Variants in TNXB observed in about 807,000 individuals in gnomAD.
TNXB encodes tenascin-X.
TNXB carries 183 observed loss-of-function variants against 340.5 expected under a neutral mutation model. That is an observed-to-expected ratio of 0.54 (90% confidence interval 0.48 to 0.61). TNXB has a LOEUF of 0.61. Ranked by LOEUF, TNXB falls within the 20% of genes least tolerant of loss-of-function variation. TNXB has a pLI of 0.00. For synonymous variants in TNXB, 2,121 were observed against 2,314.5 expected (o/e 0.92, Z 2.40); for missense variants, 4,613 against 5,446.4 (o/e 0.85, Z 4.82).
At position 32,055,967 on chromosome 6, in the gene TNXB, C is replaced by T; in HGVS notation, c.8351G>A (p.Gly2784Asp). ...DGRPQVMRVR[G>D]EESEVTVGGL... is the part of the protein sequence containing the mutation. ...CCCCACGGTGACCTCGCTCTCCTCGCCCCTGACACGCATCACCTGGGGCCG... is the reference window on the plus strand; with the variant it reads ...CCCCACGGTGACCTCGCTCTCCTCGTCCCTGACACGCATCACCTGGGGCCG... The change falls in exon 24 of 44, where the codon GGC becomes GAC. Residue 2784 changes from glycine to aspartate, a missense_variant. This residue lies in a region of TNXB where 4,327 missense variants were observed against 4,859.4 expected (regional missense o/e 0.89). Transcript: ENST00000644971. 1.2e-6 allele frequency: 2 copies of T among 1,613,496 alleles called. No individual in the cohort carries two copies. The highest frequency in any genetic ancestry group is 2.2e-5 in the East Asian group (1 of 44,876).
rs557136907 is a variant in TNXB, at chr6:32,108,290, A to G, written c.-9+891T>C. 6.6e-6 allele frequency among the ~76,000 whole-genome samples: 1 copy of G among 152,234 alleles called. No individual in the cohort carries two copies. The highest frequency in any genetic ancestry group is 1.5e-5 in the Non-Finnish European group (1 of 68,006). ...CTTCCAGTTGTTTCTATGCCATTAA[A>G]TTCTTTCCAGGCGAGATAAGGGGCC... On this transcript the variant is annotated intron_variant, in intron 1 of 43. Transcript: ENST00000644971. The surrounding 1 kb of genome is among the most constrained non-coding windows in gnomAD (Gnocchi z 4.8).
Position 32,082,057 on chromosome 6 carries a change from G to A in TNXB, c.3715C>T (p.Leu1239Phe), listed in dbSNP as rs1019829216. 1.9e-6 allele frequency: 3 copies of A among 1,606,468 alleles called. No individual in the cohort carries two copies. The highest frequency in any genetic ancestry group is 2.7e-5 in the African/African-American group (2 of 74,852). ...TCACCAGTGGTGCCATCGGCCGTGAGGGGGCCATACCGCTTCTTGTTCGCA... is the reference window on the plus strand; with the variant it reads ...TCACCAGTGGTGCCATCGGCCGTGAAGGGGCCATACCGCTTCTTGTTCGCA... ...GIANKKRYGP[L>F]TADGTTAPER... The change falls in exon 9 of 44, where the codon CTC becomes TTC. Residue 1239 changes from leucine (L) to phenylalanine (F), a missense_variant. Coordinates refer to ENST00000644971, the MANE Select transcript of TNXB (RefSeq NM_001365276.2). This position sits in a 1 kb window ranked among gnomAD's most constrained non-coding sequence, Gnocchi z 5.0.
intron 25 of TNXB, 54 bp downstream of exon 25, chr6:32,053,334 A>G: frequency 6.3e-7 from 1 of 1,578,438 alleles, no homozygotes; most frequent in Middle Eastern, 2.1e-4. Context: ...CCATCACCAG[A>G]GAAAGGGAGA....
rs761117807 is a variant in TNXB at position 32,043,858 on chromosome 6, G to A, written c.11421C>T (p.Ala3807=). 392 of 1,613,628 alleles carry A rather than the reference G, an allele frequency of 2.4e-4. 1 individual carries two copies. Among genetic ancestry groups the A allele is most frequent in the Non-Finnish European group, 3.2e-4 (383 of 1,180,008 alleles). Residue 3807 remains alanine (A), a synonymous_variant, in exon 35 of 44, where the codon GCC becomes GCT. Coordinates refer to ENST00000644971, the MANE Select transcript of TNXB (RefSeq NM_001365276.2). ...EPQSVQVDGQ[A]RTQKLQGLIP... is the part of the protein sequence containing the mutation. ...TCAGCCCCTGGAGTTTCTGGGTCCG[G>A]GCCTGGCCATCCACCTGCACACTCT... is the stretch of plus-strand genomic sequence containing the variant.
At position 32,095,950 on chromosome 6, in the gene TNXB, G is replaced by A. The variant is rs1780314817; in HGVS notation, c.1903C>T (p.Arg635Cys). 6.2e-7 allele frequency: 1 copy of A among 1,613,030 alleles called. No homozygotes were observed. Among genetic ancestry groups the A allele is most frequent in the South Asian group, 1.1e-5 (1 of 91,064 alleles). Residue 635 changes from arginine (R) to cysteine (C), a missense_variant, in exon 3 of 44, where the codon CGC becomes TGC. Coordinates refer to ENST00000644971, the MANE Select transcript of TNXB (RefSeq NM_001365276.2). ...CHGRGRCEEG[R>C]CLCDPGYTGP... is the part of the protein sequence containing the mutation. Reference sequence around the variant, plus strand: ...GTGTAGCCTGGGTCGCACAGGCAGCGCCCTTCCTCACAGCGGCCCCTCCCG... The same window carrying A: ...GTGTAGCCTGGGTCGCACAGGCAGCACCCTTCCTCACAGCGGCCCCTCCCG...
chr6:32,085,925 G>C lies in TNXB; in HGVS notation c.2973C>G (p.Phe991Leu). 1 of 1,608,666 alleles carries C rather than the reference G, an allele frequency of 6.2e-7. No individual in the cohort carries two copies. Residue 991 changes from phenylalanine to leucine, a missense_variant, in exon 7 of 44, where the codon TTC (phenylalanine) becomes TTG (leucine). By Grantham distance (22) the Phe-to-Leu change is conservative. This residue lies in a region of TNXB where 4,327 missense variants were observed against 4,859.4 expected (regional missense o/e 0.89). Coordinates refer to ENST00000644971, the MANE Select transcript of TNXB (RefSeq NM_001365276.2). This position sits in a 1 kb window ranked among gnomAD's most constrained non-coding sequence, Gnocchi z 6.4. ...CCTCGGGCACCCGCATGCGCAGTTG[G>C]AAGTAGGCAAAGGTGTCAGGCTGGG... ...WTAQPDTFAY[F>L]QLRMRVPEGP...
Position 32,046,409 on chromosome 6 carries a change from C to T in TNXB, c.10372G>A (p.Ala3458Thr), listed in dbSNP as rs775869966. Residue 3458 changes from alanine to threonine, a missense_variant, in exon 31 of 44, where the codon GCT becomes ACT. Ala to Thr is a moderately conservative substitution (Grantham distance 58). Coordinates refer to ENST00000644971, the MANE Select transcript of TNXB (RefSeq NM_001365276.2). This position sits in a 1 kb window ranked among gnomAD's most constrained non-coding sequence, Gnocchi z 6.9. ...LPPHLGELTV[A>T]EETSSSLRLS... ...CGCAGAGAGCTGGAGGTCTCCTCAG[C>T]CACGGTCAGTTCCCCCAGGTGGGGA... is the stretch of plus-strand genomic sequence containing the variant. 1 of 1,580,652 alleles carries T rather than the reference C, an allele frequency of 6.3e-7. No homozygotes were observed.
In TNXB at chr6:32,058,065, G is replaced by A. The variant is rs781577707; in HGVS notation, c.7818C>T (p.Gly2606=). The change falls in exon 22 of 44, where the codon GGC becomes GGT. Residue 2606 remains glycine (G), a synonymous_variant. Transcript: ENST00000644971. This position sits in a 1 kb window ranked among gnomAD's most constrained non-coding sequence, Gnocchi z 5.1. ...GRRLGPVSAV[G]VTEDEAETTQ... ...CCACCCACACTCACTCACCTGTGAC[G>A]CCCACGGCAGACACCGGGCCCAGGC... 4 of 1,608,178 alleles carry A rather than the reference G, an allele frequency of 2.5e-6. No individual in the cohort carries two copies. Among genetic ancestry groups the A allele is most frequent in the African/African-American group, 2.7e-5 (2 of 74,768 alleles).
rs56101776 is a variant in TNXB at position 32,074,379 on chromosome 6, T to C, written c.4376-427A>G. On this transcript the variant is annotated intron_variant, in intron 11 of 43. Transcript: ENST00000644971. This position sits in a 1 kb window ranked among gnomAD's most constrained non-coding sequence, Gnocchi z 5.5. ...TGGTTTTGATGTAAAAGCGCATTGA[T>C]CTGAACATCTGTCTGGTCAACAGTC... is the stretch of plus-strand genomic sequence containing the variant. Among the ~76,000 whole-genome samples, 1 of 152,206 alleles carries C rather than the reference T, an allele frequency of 6.6e-6. No individual in the cohort carries two copies. The highest frequency in any genetic ancestry group is 1.5e-5 in the Non-Finnish European group (1 of 68,040).
Position 32,058,036 on chromosome 6 carries a change from T to C in TNXB, c.7825+22A>G, listed in dbSNP as rs2151903457. 1 of 1,583,614 alleles carries C rather than the reference T, an allele frequency of 6.3e-7. No individual in the cohort carries two copies. Among genetic ancestry groups the C allele is most frequent in the Non-Finnish European group, 8.6e-7 (1 of 1,163,918 alleles). On this transcript the variant is annotated intron_variant, in intron 22 of 43. Transcript: ENST00000644971. This position sits in a 1 kb window ranked among gnomAD's most constrained non-coding sequence, Gnocchi z 5.1. ...ATTTTCTAGGGCTGTCTTCCAACCCTGCCCCACCCACACTCACTCACCTGT... is the reference window on the plus strand; with the variant it reads ...ATTTTCTAGGGCTGTCTTCCAACCCCGCCCCACCCACACTCACTCACCTGT...
At chr6:32,054,035 T>C (rs970319914) in intron 24 of TNXB, among the ~76,000 whole-genome samples, 7 of 152,070 alleles carry the variant, frequency 4.6e-5, no homozygotes, top group Admixed American at 2.0e-4. Flanking sequence ...CATCTTTTGT[T>C]CACTGGGCTT....
chr6:32,042,236 G>A (rs9378253), intron 41 of TNXB, 30 bp downstream of exon 41: 7 of 963,458 alleles, frequency 7.3e-6, no homozygotes, highest in African/African-American at 4.1e-5. Flanking sequence ...ATCCCCATCC[G>A]TAGTTCCCCA....
intron 1 of TNXB, among the ~76,000 whole-genome samples, chr6:32,099,144 T>G (rs1210891637): frequency 2.6e-5 from 4 of 152,118 alleles, no homozygotes; most frequent in Non-Finnish European, 5.9e-5. Flanking sequence ...AGTGGATGAG[T>G]ACCTAGGGCC....
intron 4 of TNXB, among the ~76,000 whole-genome samples, chr6:32,091,954 T>C (rs1021488396): frequency 6.6e-6 from 1 of 152,196 alleles, no homozygotes; most frequent in Non-Finnish European, 1.5e-5. Context: ...AGTGAACACT[T>C]AGCCTAGCCC....
intron 6 of TNXB, among the ~76,000 whole-genome samples, chr6:32,088,472 C>T (rs371296170): frequency 1.2e-4 from 18 of 152,148 alleles, no homozygotes; most frequent in African/African-American, 3.4e-4. Context: ...AGGCCTGTCC[C>T]GGTACCTAAA....
At position 32,099,235 on chromosome 6, in the gene TNXB, CTTT is replaced by C. The variant is rs11344952; in HGVS notation, c.-8-1032_-8-1030del. Among the ~76,000 whole-genome samples the C allele has an allele frequency of 5.8e-3, 825 of 141,350 alleles. 13 individuals carry two copies. The highest frequency in any genetic ancestry group is 0.057 in the East Asian group (280 of 4,900). The allele number at this position is 141,350 out of a possible 152,430, so 92.7% of individuals were successfully genotyped here. ...GATTATCTTCTCCCTCTCTCTCTCA[CTTT>C]TTTTTTTTTTTTTGAGATGGAATCT... On this transcript the variant is annotated intron_variant, in intron 1 of 43. Transcript: ENST00000644971.
At position 32,062,147 on chromosome 6, in the gene TNXB, G is replaced by C; in HGVS notation, c.7168+10C>G. 6.2e-7 allele frequency: 1 copy of C among 1,607,410 alleles called. No homozygotes were observed. Among genetic ancestry groups the C allele is most frequent in the Non-Finnish European group, 8.5e-7 (1 of 1,175,676 alleles). ...TGGCTCCCACCCTGGGGCTCCCATC[G>C]TCCACTCACCTGTCACCCCGATGGC... On this transcript the variant is annotated intron_variant, in intron 20 of 43. Coordinates refer to ENST00000644971, the MANE Select transcript of TNXB (RefSeq NM_001365276.2). This position sits in a 1 kb window ranked among gnomAD's most constrained non-coding sequence, Gnocchi z 4.3.
At chr6:32,086,833 G>A (rs886591046) in intron 6 of TNXB, among the ~76,000 whole-genome samples, 2 of 152,244 alleles carry the variant, frequency 1.3e-5, no homozygotes, top group Non-Finnish European at 2.9e-5. Flanking sequence ...GTGGAAAACA[G>A]TAACCACTAA....
chr6:32,046,899 G>A lies in TNXB; in HGVS notation c.10325-443C>T, dbSNP rs1274977992. Reference sequence around the variant, plus strand: ...GGTCTGGGCAGCCGGCCAATGCACGGCTCCCATCACTGCCAGGCTGTGATC... The same window carrying A: ...GGTCTGGGCAGCCGGCCAATGCACGACTCCCATCACTGCCAGGCTGTGATC... On this transcript the variant is annotated intron_variant, in intron 30 of 43. Coordinates refer to ENST00000644971, the MANE Select transcript of TNXB (RefSeq NM_001365276.2). The surrounding 1 kb of genome is among the most constrained non-coding windows in gnomAD (Gnocchi z 6.9). Among the ~76,000 whole-genome samples, 1 of 152,232 alleles carries A rather than the reference G, an allele frequency of 6.6e-6. No individual in the cohort carries two copies. The highest frequency in any genetic ancestry group is 1.5e-5 in the Non-Finnish European group (1 of 68,032).
Sources: gnomAD v4.1 joint callset for allele counts (sites outside exome capture counted in the v4.1 genomes callset) on GRCh38, gnomAD v4.1.1 for gene constraint, gnomAD v4.1.1 regional missense constraint, Gnocchi (gnomAD v3.1) non-coding constraint, MANE v1.5 for transcripts, NCBI Gene and HGNC (gene_info 2026-07-23, HGNC 2026-07-21) for gene names.